RANBP2: variants seen among roughly 807,000 people sequenced by gnomAD.
RANBP2 encodes RAN binding protein 2, also known as E3 SUMO-protein ligase RanBP2.
In RANBP2, 57 loss-of-function variants were observed where a neutral mutation model predicts 303.6. The observed-to-expected ratio is 0.19, with a 90% confidence interval of 0.15 to 0.23. The LOEUF is 0.23. Ranked by LOEUF, RANBP2 falls within the 10% of genes least tolerant of loss-of-function variation. The pLI, the probability that RANBP2 is intolerant of heterozygous loss-of-function variation, is 1.00. For missense variants in RANBP2, 3,138 were observed against 3,780.8 expected (o/e 0.83, Z 4.46); for synonymous variants, 1,167 against 1,301.5 (o/e 0.90, Z 2.23).
chr2:109,026,834 A>C, the RANBP2 span, among the ~76,000 whole-genome samples: 3 of 152,226 alleles, frequency 2.0e-5, no homozygotes, highest in Admixed American at 6.5e-5. Context: ...TGGGAGGCCA[A>C]GGTGGTGGAT....
chr2:108,725,963 T>G (rs974312443), intron 1 of RANBP2, among the ~76,000 whole-genome samples: 2 of 152,156 alleles, frequency 1.3e-5, no homozygotes, highest in African/African-American at 2.4e-5. Flanking sequence ...TTTTTTCTTT[T>G]AGATGCGATT....
the RANBP2 span, among the ~76,000 whole-genome samples, chr2:109,211,118 T>C: frequency 6.6e-6 from 1 of 152,154 alleles, no homozygotes. Context: ...CTATGGGGCC[T>C]CTGGAGAAAA....
the RANBP2 span, chr2:108,885,622 G>A: frequency 2.6e-5 from 4 of 152,176 alleles, no homozygotes; most frequent in Non-Finnish European, 4.4e-5. Context: ...GTCACCACAC[G>A]GGTATTTGGG....
chr2:108,803,717 C>T, the RANBP2 span, among the ~76,000 whole-genome samples: 1 of 152,184 alleles, frequency 6.6e-6, no homozygotes. Flanking sequence ...GTTGCTTCTA[C>T]AAGTTTTCTC....
the RANBP2 span, among the ~76,000 whole-genome samples, chr2:109,719,995 A>T: frequency 6.6e-6 from 1 of 152,126 alleles, no homozygotes; most frequent in African/African-American, 2.4e-5. Flanking sequence ...CTGCTGTTCT[A>T]CCGAGGACTC....
chr2:109,454,510 A>G, the RANBP2 span, among the ~76,000 whole-genome samples: 1 of 152,190 alleles, frequency 6.6e-6, no homozygotes, highest in African/African-American at 2.4e-5. Context: ...CCAAGTCCAC[A>G]CGGTGAGAGC....
At chr2:109,543,589 G>A in the RANBP2 span, 6 of 152,112 alleles carry the variant, frequency 3.9e-5, no homozygotes, top group South Asian at 1.0e-3. Flanking sequence ...AAAATTTTTA[G>A]CATATATAAA....
chr2:109,328,996 T>C, the RANBP2 span, among the ~76,000 whole-genome samples: 2 of 152,072 alleles, frequency 1.3e-5, no homozygotes, highest in East Asian at 3.9e-4. Flanking sequence ...GGCTGCTCTG[T>C]GGTCTTCTTG....
chr2:109,249,758 G>A, the RANBP2 span, among the ~76,000 whole-genome samples: 111 of 151,798 alleles, frequency 7.3e-4, no homozygotes, highest in Non-Finnish European at 1.2e-3. Flanking sequence ...CCAGGTTCAC[G>A]CCATTCTCCT....
the RANBP2 span, among the ~76,000 whole-genome samples, chr2:109,139,996 G>A: frequency 6.6e-6 from 1 of 152,168 alleles, no homozygotes; most frequent in Non-Finnish European, 1.5e-5. Flanking sequence ...AGGGTTTATT[G>A]ATCAGAGGTA....
the RANBP2 span, among the ~76,000 whole-genome samples, chr2:109,736,000 C>T: frequency 6.6e-6 from 1 of 152,210 alleles, no homozygotes; most frequent in Non-Finnish European, 1.5e-5. Flanking sequence ...TAGGATTAAA[C>T]ATTGAATTTC....
chr2:109,394,359 G>C, the RANBP2 span, among the ~76,000 whole-genome samples: 1 of 152,112 alleles, frequency 6.6e-6, no homozygotes, highest in Non-Finnish European at 1.5e-5. Flanking sequence ...ACTGTCCCAT[G>C]GACAAGACTG....
rs913404087 is a variant in RANBP2 at position 108,774,222 on chromosome 2, A to G, written c.8292+1176A>G. Among the ~76,000 whole-genome samples the G allele has an allele frequency of 7.1e-4, 108 of 152,316 alleles. 1 individual carries two copies. The highest frequency in any genetic ancestry group is 1.0e-4 in the Non-Finnish European group (7 of 68,028). ...TGTTATGTGGTTGCATTCAATTTGC[A>G]TAAATCTTGTTATAAATTTTTGGGT... On this transcript the variant is annotated intron_variant, in intron 23 of 28. Transcript: ENST00000283195.
In RANBP2 at chr2:108,763,698, A is replaced by G. The variant is rs1558918674; in HGVS notation, c.3159A>G (p.Thr1053=). 1 of 1,614,112 alleles carries G rather than the reference A, an allele frequency of 6.2e-7. No homozygotes were observed. Among genetic ancestry groups the G allele is most frequent in the Admixed American group, 1.7e-5 (1 of 60,006 alleles). ...CGTTTTCCTCACCACAGGTTGTGAC[A>G]CAGCCCCCTCCTGCAGCTTACAGTA... The part of the protein sequence containing the change: ...DFTFSSPQVV[T]QPPPAAYSNS... Residue 1053 remains threonine, a synonymous_variant, in exon 20 of 29, where the codon ACA becomes ACG. Coordinates refer to ENST00000283195, the MANE Select transcript of RANBP2 (RefSeq NM_006267.5).
the RANBP2 span, chr2:109,399,023 TCCTCAA>T: frequency 7.1e-7 from 1 of 1,412,618 alleles, no homozygotes; most frequent in Non-Finnish European, 9.5e-7. Context: ...TGTCCCCCGT[TCCTCAA>T]CTAGCATGGA....
At chr2:108,804,195 A>G in the RANBP2 span, among the ~76,000 whole-genome samples, 7 of 152,200 alleles carry the variant, frequency 4.6e-5, no homozygotes, top group African/African-American at 1.7e-4. Context: ...GATTTCCTGT[A>G]GAAACTTGTT....
chr2:109,263,715 C>T, the RANBP2 span, among the ~76,000 whole-genome samples: 44 of 152,210 alleles, frequency 2.9e-4, no homozygotes, highest in Non-Finnish European at 5.6e-4. Flanking sequence ...GCCTGTAATC[C>T]CAGCACTTTG....
the RANBP2 span, among the ~76,000 whole-genome samples, chr2:109,200,337 C>T: frequency 6.6e-6 from 1 of 152,124 alleles, no homozygotes; most frequent in Admixed American, 6.5e-5. Flanking sequence ...TCACTAGCAG[C>T]CTCCTTTCCA....
the RANBP2 span, among the ~76,000 whole-genome samples, chr2:109,313,928 G>A: frequency 6.6e-6 from 1 of 152,198 alleles, no homozygotes; most frequent in African/African-American, 2.4e-5. Context: ...CGTATGCAGG[G>A]TGCCGTGTTT....
Sources: allele counts gnomAD v4.1 joint callset (sites outside exome capture counted in the v4.1 genomes callset), GRCh38; gene constraint gnomAD v4.1.1; transcripts MANE v1.5; gene names NCBI Gene and HGNC (gene_info 2026-07-23, HGNC 2026-07-21).